FGF2: variants seen among roughly 807,000 people sequenced by gnomAD.
FGF2 encodes fibroblast growth factor 2, also known as basic fibroblast growth factor bFGF.
Under a neutral mutation model 15.9 loss-of-function variants are expected in FGF2, and 13 were observed. The observed-to-expected ratio is 0.82, with a 90% CI of 0.53 to 1.30. The LOEUF is 1.30. FGF2 is among the 50% of genes most tolerant of loss of function. The pLI is 0.00. For missense variants in FGF2, 163 were observed against 196.9 expected (o/e 0.83, Z 1.03); for synonymous variants, 90 against 78.4 (o/e 1.15, Z -0.78).
chr4:122,866,601 A>G (rs907622721), intron 1 of FGF2, among the ~76,000 whole-genome samples: 12 of 152,228 alleles, frequency 7.9e-5, no homozygotes, highest in Non-Finnish European at 1.6e-4. Flanking sequence ...ATTATTACCC[A>G]TCGAAGAAAT....
At chr4:122,846,161 G>A (rs1165126336) in intron 1 of FGF2, among the ~76,000 whole-genome samples, 1 of 152,122 alleles carries the variant, frequency 6.6e-6, no homozygotes, top group Non-Finnish European at 1.5e-5. Flanking sequence ...GAACACACAC[G>A]TTTATTAAGT....
At chr4:122,861,402 G>T (rs1243330965) in intron 1 of FGF2, among the ~76,000 whole-genome samples, 1 of 152,098 alleles carries the variant, frequency 6.6e-6, no homozygotes, top group Non-Finnish European at 1.5e-5. Context: ...TTCCCCTCCT[G>T]CTGCTCCAAC....
At chr4:122,846,709 T>C (rs1046626397) in intron 1 of FGF2, among the ~76,000 whole-genome samples, 1 of 152,204 alleles carries the variant, frequency 6.6e-6, no homozygotes, top group Admixed American at 6.5e-5. Flanking sequence ...TCTTTACCTA[T>C]GTATTTGTGA....
chr4:122,836,265 G>A (rs968673956), intron 1 of FGF2, among the ~76,000 whole-genome samples: 1 of 152,184 alleles, frequency 6.6e-6, no homozygotes, highest in Non-Finnish European at 1.5e-5. Flanking sequence ...CAATAAATTA[G>A]CCAAGTCTCT....
At chr4:122,834,089 GA>G (rs889724236) in intron 1 of FGF2, among the ~76,000 whole-genome samples, 21 of 152,136 alleles carry the variant, frequency 1.4e-4, no homozygotes, top group Non-Finnish European at 2.1e-4. Flanking sequence ...TGGTCAGAAA[GA>G]AAAAAGGAAA....
intron 1 of FGF2, among the ~76,000 whole-genome samples, chr4:122,832,714 A>G (rs2150761529): frequency 6.6e-6 from 1 of 152,342 alleles, no homozygotes; most frequent in East Asian, 1.9e-4. Context: ...GATTGTTTGC[A>G]TAATAATTTG....
chr4:122,897,704 G>T lies in FGF2; in HGVS notation c.*5308G>T, dbSNP rs1251724999. ...CTGCAGTATAAAGTCAGAAAATAAAGTTAACATAACTTTCACTAACACACA... is the reference window on the plus strand; with the variant it reads ...CTGCAGTATAAAGTCAGAAAATAAATTTAACATAACTTTCACTAACACACA... On this transcript the variant is annotated 3_prime_UTR_variant, in exon 3 of 3. Coordinates refer to ENST00000644866, the MANE Select transcript of FGF2 (RefSeq NM_001361665.2). The T allele has an allele frequency of 1.3e-6, 2 of 1,524,618 alleles. No individual in the cohort carries two copies. Among genetic ancestry groups the T allele is most frequent in the South Asian group, 2.2e-5 (2 of 89,254 alleles). 94.4% of individuals were successfully genotyped at this position (1,524,618 alleles called of 1,614,324 possible).
intron 2 of FGF2, among the ~76,000 whole-genome samples, chr4:122,880,332 C>T (rs1206622588): frequency 1.3e-5 from 2 of 151,262 alleles, no homozygotes; most frequent in Non-Finnish European, 2.9e-5. Context: ...CTGCAAGCTC[C>T]ACCTCCCGGG....
At position 122,835,790 on chromosome 4, in the gene FGF2, T is replaced by A. The variant is rs562076804; in HGVS notation, c.178+8438T>A. Reference sequence around the variant, plus strand: ...CCTTCTTAAACATGACCTACCTTATTTCTTACTGTTTACCATCCATACCTT... The same window carrying A: ...CCTTCTTAAACATGACCTACCTTATATCTTACTGTTTACCATCCATACCTT... On this transcript the variant is annotated intron_variant, in intron 1 of 2. Transcript: ENST00000644866. Among the ~76,000 whole-genome samples the A allele has an allele frequency of 3.3e-5, 5 of 152,306 alleles. No homozygotes were observed. The South Asian group carries it at 1.0e-3, about 32-fold the overall frequency.
At chr4:122,846,986 C>G (rs1249446042) in intron 1 of FGF2, among the ~76,000 whole-genome samples, 1 of 152,202 alleles carries the variant, frequency 6.6e-6, no homozygotes, top group Non-Finnish European at 1.5e-5. Flanking sequence ...AGGCCTGTGC[C>G]CGCGCATTAC....
In FGF2 at chr4:122,827,470, G is replaced by T. The variant is rs910161661; in HGVS notation, c.178+118G>T. The T allele has an allele frequency of 2.7e-5, 32 of 1,206,062 alleles. No homozygotes were observed. Among genetic ancestry groups the T allele is most frequent in the Non-Finnish European group, 3.6e-5 (30 of 838,636 alleles). 74.7% of individuals were successfully genotyped at this position (1,206,062 alleles called of 1,614,324 possible). A position where few individuals can be genotyped will look rare whatever the true frequency, so the allele number is the denominator to read the frequency against. ...CACTGCGACCCTAGCGCTCCGTGTG[G>T]TTTCTGGCCGCGCGGCCCTCGGCGG... On this transcript the variant is annotated intron_variant, in intron 1 of 2. Transcript: ENST00000644866. The surrounding 1 kb of genome is among the most constrained non-coding windows in gnomAD (Gnocchi z 4.2).
intron 1 of FGF2, among the ~76,000 whole-genome samples, chr4:122,874,584 T>C (rs1726802315): frequency 6.6e-6 from 1 of 152,148 alleles, no homozygotes; most frequent in Non-Finnish European, 1.5e-5. Context: ...CTAATGACTG[T>C]TAACACAAGT....
In FGF2 at chr4:122,897,167, TATATA is replaced by T. The variant is rs1727387212; in HGVS notation, c.*4774_*4778del. 6.5e-6 allele frequency: 1 copy of T among 153,528 alleles called. No homozygotes were observed. The highest frequency in any genetic ancestry group is 2.4e-5 in the African/African-American group (1 of 41,474). 9.5% of individuals were successfully genotyped at this position (153,528 alleles called of 1,614,324 possible). ...ATACAATTTTCATAAAGTGAAGAAT[TATATA>T]ATCACTGCTTTATAACTGACTTTAT... On this transcript the variant is annotated 3_prime_UTR_variant, in exon 3 of 3. Coordinates refer to ENST00000644866, the MANE Select transcript of FGF2 (RefSeq NM_001361665.2).
chr4:122,846,293 C>T (rs1490651446), intron 1 of FGF2, among the ~76,000 whole-genome samples: 4 of 152,094 alleles, frequency 2.6e-5, no homozygotes, highest in African/African-American at 4.8e-5. Context: ...TGAAATATTG[C>T]GACAATTACC....
chr4:122,892,197 CCTTT>C lies in FGF2; in HGVS notation c.283-13_283-10del. On this transcript the variant is annotated splice_polypyrimidine_tract_variant and intron_variant, in intron 2 of 2. Transcript: ENST00000644866. ...ATGATAATAATAACAGGTAATTCTT[CCTTT>C]ATTTTTCAGAAATGTGTTACGGATG... 4 of 1,583,338 alleles carry C rather than the reference CCTTT, an allele frequency of 2.5e-6. No individual in the cohort carries two copies. The highest frequency in any genetic ancestry group is 3.5e-6 in the Non-Finnish European group (4 of 1,152,258).
chr4:122,888,731 C>T (rs1477478270), intron 2 of FGF2: 2 of 152,260 alleles, frequency 1.3e-5, no homozygotes, highest in East Asian at 1.9e-4. Flanking sequence ...ATGGAGCCTA[C>T]TGTGACCATG....
intron 1 of FGF2, chr4:122,840,367 G>A (rs1725953914): frequency 6.6e-6 from 1 of 152,268 alleles, no homozygotes; most frequent in South Asian, 2.1e-4. Context: ...AAGGAATAAT[G>A]GTCATGCCAA....
chr4:122,886,973 G>A (rs77354813), intron 2 of FGF2, among the ~76,000 whole-genome samples: 5,626 of 152,068 alleles, frequency 0.037, 193 homozygotes, highest in South Asian at 0.14. Context: ...TACTAGCCTG[G>A]GTATATACAT....
At chr4:122,837,604 C>T (rs750193481) in intron 1 of FGF2, among the ~76,000 whole-genome samples, 4 of 151,660 alleles carry the variant, frequency 2.6e-5, no homozygotes, top group Non-Finnish European at 2.9e-5. Context: ...TTTGACCTTT[C>T]GTCTTATAGC....
Sources: allele counts gnomAD v4.1 joint callset (sites outside exome capture counted in the v4.1 genomes callset), GRCh38; gene constraint gnomAD v4.1.1; non-coding constraint Gnocchi (gnomAD v3.1); transcripts MANE v1.5; gene names NCBI Gene and HGNC (gene_info 2026-07-23, HGNC 2026-07-21).